The following PCDHA13 variants were observed in gnomAD, a reference collection of about 807,000 sequenced individuals.
PCDHA13 encodes the protein protocadherin alpha 13, also known as protocadherin alpha-13.
Under a neutral mutation model 64.8 loss-of-function variants are expected in PCDHA13, and 54 were observed. The observed-to-expected ratio is 0.83, with a 90% CI of 0.67 to 1.04. The LOEUF (loss-of-function observed/expected upper bound fraction) is 1.04, where lower values mean the gene tolerates loss of function less well. PCDHA13 is among the 50% of genes least tolerant of loss of function. PCDHA13 has a pLI of 0.00. For synonymous variants in PCDHA13, 587 were observed against 564.4 expected (o/e 1.04, Z -0.57); for missense variants, 1,248 against 1,254.3 (o/e 0.99, Z 0.08).
At chr5:141,008,410 A>G (rs782459591) in intron 3 of PCDHA13, among the ~76,000 whole-genome samples, 33 of 152,184 alleles carry the variant, frequency 2.2e-4, no homozygotes, top group Non-Finnish European at 3.7e-4. Context: ...TTCCAATGTC[A>G]TGGCCACTGG....
chr5:140,989,949 G>A (rs551733184), intron 3 of PCDHA13, among the ~76,000 whole-genome samples: 3 of 152,064 alleles, frequency 2.0e-5, no homozygotes, highest in South Asian at 2.1e-4. Context: ...CGTTTTTCTC[G>A]GTGAGACCAA....
chr5:140,954,777 T>C (rs1563274185), intron 1 of PCDHA13, among the ~76,000 whole-genome samples: 1 of 152,214 alleles, frequency 6.6e-6, no homozygotes, highest in African/African-American at 2.4e-5. Flanking sequence ...TTAATTTAAT[T>C]AGATCTCATT....
chr5:140,939,798 C>A (rs2092461303), intron 1 of PCDHA13, among the ~76,000 whole-genome samples: 1 of 152,138 alleles, frequency 6.6e-6, no homozygotes, highest in African/African-American at 2.4e-5. Flanking sequence ...TATAAATGTT[C>A]TGCATGTTCA....
chr5:140,949,277 G>T (rs934497662), intron 1 of PCDHA13, among the ~76,000 whole-genome samples: 2 of 151,734 alleles, frequency 1.3e-5, no homozygotes, highest in African/African-American at 2.4e-5. Context: ...CACTTGAAAA[G>T]AATGTATATT....
intron 1 of PCDHA13, among the ~76,000 whole-genome samples, chr5:140,898,613 T>A (rs561301118): frequency 6.6e-6 from 1 of 152,346 alleles, no homozygotes; most frequent in South Asian, 2.1e-4. Flanking sequence ...TAGTTTGAAG[T>A]CAGGTAGCAT....
At position 140,896,858 on chromosome 5, in the gene PCDHA13, A is replaced by T. The variant is rs1448787828; in HGVS notation, c.2394+12196A>T. On this transcript the variant is annotated intron_variant, in intron 1 of 3. Coordinates refer to ENST00000289272, the MANE Select transcript of PCDHA13 (RefSeq NM_018904.3). Reference sequence around the variant, plus strand: ...TATTTTTTAATTTTATGGGTACATAATAAGTGTACATATTTATGGGGTATA... The same window carrying T: ...TATTTTTTAATTTTATGGGTACATATTAAGTGTACATATTTATGGGGTATA... Among the ~76,000 whole-genome samples, 3 of 152,310 alleles carry T rather than the reference A, an allele frequency of 2.0e-5. No homozygotes were observed. In the South Asian group the frequency reaches 6.2e-4, roughly 32 times the overall value.
At chr5:140,955,684 G>A (rs1231376434) in intron 1 of PCDHA13, among the ~76,000 whole-genome samples, 2 of 152,156 alleles carry the variant, frequency 1.3e-5, no homozygotes, top group African/African-American at 4.8e-5. Flanking sequence ...TTCGAAATCT[G>A]TGATGAATGT....
chr5:140,947,580 A>G (rs1031254382), intron 1 of PCDHA13, among the ~76,000 whole-genome samples: 2 of 151,664 alleles, frequency 1.3e-5, no homozygotes, highest in Non-Finnish European at 3.0e-5. Context: ...TGTTTTTAAC[A>G]TTTAGATCAA....
chr5:141,009,992 C>G lies in PCDHA13; in HGVS notation c.*55C>G. 1 of 1,578,492 alleles carries G rather than the reference C, an allele frequency of 6.3e-7. No homozygotes were observed. On this transcript the variant is annotated 3_prime_UTR_variant, in exon 4 of 4. Transcript: ENST00000289272. ...CAGTTTTTGTAATAATGGCAAATCT[C>G]TCCCATGTAGCAATTCCCTGCTCCT...
At chr5:140,965,371 T>C (rs1195667342) in intron 1 of PCDHA13, among the ~76,000 whole-genome samples, 9 of 152,124 alleles carry the variant, frequency 5.9e-5, no homozygotes, top group African/African-American at 1.2e-4. Flanking sequence ...AAGAGGAAAC[T>C]TGGGGACACA....
At chr5:140,899,035 G>C (rs2067107583) in intron 1 of PCDHA13, among the ~76,000 whole-genome samples, 1 of 151,908 alleles carries the variant, frequency 6.6e-6, no homozygotes, top group African/African-American at 2.4e-5. Context: ...TTTGTACATT[G>C]ATTTTGTATC....
In PCDHA13 at chr5:141,011,182, G is replaced by C. The variant is rs887034679; in HGVS notation, c.*1245G>C. The C allele has an allele frequency of 6.5e-6, 1 of 153,494 alleles. No individual in the cohort carries two copies. Among genetic ancestry groups the C allele is most frequent in the African/African-American group, 2.4e-5 (1 of 41,364 alleles). The allele number at this position is 153,494 out of a possible 1,614,324, so 9.5% of individuals were successfully genotyped here. A position where few individuals can be genotyped will look rare whatever the true frequency, so the allele number is the denominator to read the frequency against. On this transcript the variant is annotated 3_prime_UTR_variant, in exon 4 of 4. Coordinates refer to ENST00000289272, the MANE Select transcript of PCDHA13 (RefSeq NM_018904.3). The stretch of plus-strand genomic sequence containing the variant: ...TATATATCAAGACCCAAAAATTGAA[G>C]AAAAATATTGTTTTCTCATACAGTG...
At chr5:140,968,808 TGGATAGGG>T (rs782488281) in intron 1 of PCDHA13, 2 of 1,614,204 alleles carry the variant, frequency 1.2e-6, no homozygotes, top group Non-Finnish European at 1.7e-6. Context: ...GTAGCTGTGG[TGGATAGGG>T]TTTCCAAAAT....
chr5:140,981,101 G>A (rs1484209084), intron 2 of PCDHA13, among the ~76,000 whole-genome samples: 1 of 152,196 alleles, frequency 6.6e-6, no homozygotes, highest in Non-Finnish European at 1.5e-5. Flanking sequence ...TTTAATGAGT[G>A]AATTTCTACT....
intron 3 of PCDHA13, 64 bp downstream of exon 3, chr5:140,982,627 T>A: frequency 6.3e-7 from 1 of 1,581,770 alleles, no homozygotes; most frequent in Non-Finnish European, 8.6e-7. Flanking sequence ...GACCTACTTT[T>A]GTAAGATCAG....
intron 1 of PCDHA13, among the ~76,000 whole-genome samples, chr5:140,910,407 C>T (rs781871391): frequency 6.6e-6 from 1 of 152,134 alleles, no homozygotes; most frequent in Non-Finnish European, 1.5e-5. Context: ...CCTGCCACCT[C>T]GAGATCCAAT....
chr5:140,934,625 A>G (rs1554210030), intron 1 of PCDHA13, among the ~76,000 whole-genome samples: 1 of 152,116 alleles, frequency 6.6e-6, no homozygotes, highest in Non-Finnish European at 1.5e-5. Context: ...GGTACAGTTC[A>G]CACAGGAAAG....
intron 1 of PCDHA13, chr5:140,966,787 A>G (rs781920865): frequency 6.5e-7 from 1 of 1,526,816 alleles, no homozygotes; most frequent in African/African-American, 1.4e-5. Context: ...CGGGCACCAG[A>G]CCTGCGGCGA....
intron 1 of PCDHA13, chr5:140,927,510 G>A: frequency 1.9e-6 from 3 of 1,614,090 alleles, no homozygotes; most frequent in Non-Finnish European, 2.5e-6. Flanking sequence ...TTACAGCTCG[G>A]GACGGCGGGC....
Sources: allele counts gnomAD v4.1 joint callset (sites outside exome capture counted in the v4.1 genomes callset), GRCh38; gene constraint gnomAD v4.1.1; transcripts MANE v1.5; gene names NCBI Gene and HGNC (gene_info 2026-07-23, HGNC 2026-07-21).